CDH18: variants seen among roughly 807,000 people sequenced by gnomAD.
CDH18 encodes the protein cadherin 18, also known as cadherin-18.
A neutral mutation model predicts 67.9 loss-of-function variants in CDH18; 31 were observed. The ratio of observed to expected loss-of-function variants is 0.46; its 90% CI spans 0.34 to 0.62. The LOEUF (loss-of-function observed/expected upper bound fraction) is 0.62, where lower values mean the gene tolerates loss of function less well. Ranked by LOEUF, CDH18 falls within the 20% of genes least tolerant of loss-of-function variation. The pLI is 0.01. For missense variants in CDH18, 890 were observed against 975.5 expected (o/e 0.91, Z 1.17); for synonymous variants, 362 against 347.2 (o/e 1.04, Z -0.48).
At chr5:20,559,699 C>T (rs917768765) in intron 1 of CDH18, among the ~76,000 whole-genome samples, 2 of 151,858 alleles carry the variant, frequency 1.3e-5, no homozygotes, top group Non-Finnish European at 2.9e-5. Context: ...AATATTGAAG[C>T]TAATATTGAA....
chr5:19,838,993 A>T lies in CDH18; in HGVS notation c.-7T>A. On this transcript the variant is annotated 5_prime_UTR_variant, in exon 3 of 13. Transcript: ENST00000382275. ...ATGTGCTAGTAATTTTCATTGTAAG[A>T]TAACTTTCCAGTTCACAGTTTTCCT... 6.2e-7 allele frequency: 1 copy of T among 1,605,056 alleles called. No homozygotes were observed. Among genetic ancestry groups the T allele is most frequent in the Non-Finnish European group, 8.5e-7 (1 of 1,171,878 alleles).
intron 3 of CDH18, among the ~76,000 whole-genome samples, chr5:19,794,114 A>T (rs1776625403): frequency 6.6e-6 from 1 of 152,158 alleles, no homozygotes; most frequent in Non-Finnish European, 1.5e-5. Flanking sequence ...TATTTGAAAT[A>T]GTCCTACAAA....
At position 20,455,077 on chromosome 5, in the gene CDH18, GAA is replaced by G. The variant is rs60672849; in HGVS notation, c.-580+120383_-580+120384del. Among the ~76,000 whole-genome samples the G allele has an allele frequency of 2.6e-3, 388 of 148,190 alleles. 3 individuals carry two copies. The highest frequency in any genetic ancestry group is 9.3e-3 in the African/African-American group (376 of 40,606). On this transcript the variant is annotated intron_variant, in intron 1 of 14. Transcript: ENST00000507958. Reference sequence around the variant, plus strand: ...TTGAGCTTGAAGAAAACTGTGAGCAGAAAAAAAAAAAATCCCTATTCCTCTAT... The same window carrying G: ...TTGAGCTTGAAGAAAACTGTGAGCAGAAAAAAAAAATCCCTATTCCTCTAT...
At chr5:20,308,264 C>T (rs895303948) in intron 1 of CDH18, among the ~76,000 whole-genome samples, 2 of 151,748 alleles carry the variant, frequency 1.3e-5, no homozygotes, top group African/African-American at 4.8e-5. Flanking sequence ...GCCAAAAGGC[C>T]GAGGGTGGTG....
chr5:19,732,243 C>A (rs1248169778), intron 4 of CDH18, among the ~76,000 whole-genome samples: 1 of 151,960 alleles, frequency 6.6e-6, no homozygotes, highest in Non-Finnish European at 1.5e-5. Flanking sequence ...ATATTCAAGA[C>A]CAGCCTGGGC....
chr5:20,430,201 T>G (rs2150173870), intron 1 of CDH18, among the ~76,000 whole-genome samples: 2 of 152,260 alleles, frequency 1.3e-5, no homozygotes, highest in South Asian at 4.1e-4. Flanking sequence ...ATTTTAAAAT[T>G]ATTAACAGCG....
intron 1 of CDH18, among the ~76,000 whole-genome samples, chr5:20,535,889 C>A (rs1338205150): frequency 1.3e-5 from 2 of 152,028 alleles, no homozygotes; most frequent in African/African-American, 4.8e-5. Context: ...TCTCTGAATT[C>A]TAATCTATGT....
intron 2 of CDH18, among the ~76,000 whole-genome samples, chr5:20,197,642 G>C (rs549665910): frequency 2.4e-4 from 37 of 152,286 alleles, no homozygotes; most frequent in African/African-American, 8.7e-4. Flanking sequence ...TGCTGTTGCA[G>C]AGTCCTGAAA....
At chr5:20,246,871 T>C (rs992628499) in intron 2 of CDH18, among the ~76,000 whole-genome samples, 1 of 152,214 alleles carries the variant, frequency 6.6e-6, no homozygotes, top group Non-Finnish European at 1.5e-5. Context: ...CATATTTTTA[T>C]GCATAACATG....
At chr5:20,197,900 G>C (rs766518405) in intron 2 of CDH18, among the ~76,000 whole-genome samples, 1 of 152,114 alleles carries the variant, frequency 6.6e-6, no homozygotes, top group African/African-American at 2.4e-5. Flanking sequence ...TGTCAAGGGC[G>C]GGACCAGGTG....
intron 1 of CDH18, among the ~76,000 whole-genome samples, chr5:20,488,827 G>A (rs1433916563): frequency 1.3e-5 from 2 of 151,672 alleles, no homozygotes; most frequent in East Asian, 3.9e-4. Context: ...GAAAATATTT[G>A]TTGTCATAGA....
intron 2 of CDH18, among the ~76,000 whole-genome samples, chr5:20,120,846 A>G (rs1404875548): frequency 1.3e-5 from 2 of 152,190 alleles, no homozygotes. Flanking sequence ...GGATTTCAAC[A>G]TTTAAGTTTC....
At chr5:19,513,905 G>T (rs1336557141) in intron 10 of CDH18, among the ~76,000 whole-genome samples, 1 of 151,794 alleles carries the variant, frequency 6.6e-6, no homozygotes, top group African/African-American at 2.4e-5. Flanking sequence ...ATGCAGGTTT[G>T]TTACATATGT....
intron 6 of CDH18, among the ~76,000 whole-genome samples, chr5:19,594,354 T>C (rs930405876): frequency 7.9e-5 from 12 of 152,184 alleles, no homozygotes; most frequent in Non-Finnish European, 1.6e-4. Context: ...GGTTTCACTA[T>C]GTTGGCCAGA....
chr5:20,078,654 G>C (rs2150536911), intron 2 of CDH18, among the ~76,000 whole-genome samples: 1 of 151,980 alleles, frequency 6.6e-6, no homozygotes. Flanking sequence ...AGGCTGGAGT[G>C]CGGTGGCTCA....
intron 2 of CDH18, among the ~76,000 whole-genome samples, chr5:20,085,426 C>T (rs1390576999): frequency 2.6e-5 from 4 of 152,134 alleles, no homozygotes; most frequent in African/African-American, 7.2e-5. Flanking sequence ...CCATGCTTTC[C>T]TGTCTTCTAC....
At chr5:19,639,088 C>T (rs1753664089) in intron 5 of CDH18, among the ~76,000 whole-genome samples, 1 of 149,570 alleles carries the variant, frequency 6.7e-6, no homozygotes, top group African/African-American at 2.5e-5. Context: ...CTGCAAGCTC[C>T]GCCTCCTGGG....
At chr5:19,645,327 A>G (rs1754582598) in intron 5 of CDH18, among the ~76,000 whole-genome samples, 1 of 152,228 alleles carries the variant, frequency 6.6e-6, no homozygotes, top group South Asian at 2.1e-4. Flanking sequence ...AAAGCCTTCC[A>G]GGCAGTAGTG....
intron 3 of CDH18, among the ~76,000 whole-genome samples, chr5:19,749,366 T>C (rs1016290781): frequency 1.3e-5 from 2 of 151,506 alleles, no homozygotes; most frequent in African/African-American, 4.8e-5. Flanking sequence ...CTTATAACTG[T>C]ATAAAACATT....
Sources: gnomAD v4.1 joint callset for allele counts (sites outside exome capture counted in the v4.1 genomes callset) on GRCh38, gnomAD v4.1.1 for gene constraint, MANE v1.5 for transcripts, NCBI Gene and HGNC (gene_info 2026-07-23, HGNC 2026-07-21) for gene names.